Variants in EFCAB8 observed in about 807,000 individuals in gnomAD.
The protein encoded by EFCAB8 is EF-hand calcium-binding domain-containing protein 8.
A neutral mutation model predicts 116.3 loss-of-function variants in EFCAB8; 100 were observed. The ratio of observed to expected loss-of-function variants is 0.86; its 90% confidence interval spans 0.73 to 1.02. The LOEUF is 1.02. Among genes scored for constraint, EFCAB8 ranks in the 50% least tolerant of loss-of-function variants. The pLI, the probability that EFCAB8 is intolerant of heterozygous loss-of-function variation, is 0.00. For missense variants in EFCAB8, 1,320 were observed against 1,416.9 expected (o/e 0.93, Z 1.10); for synonymous variants, 558 against 567.9 (o/e 0.98, Z 0.25).
chr20:32,863,277 TTC>T (rs1390848268), intron 1 of EFCAB8, among the ~76,000 whole-genome samples: 1 of 152,136 alleles, frequency 6.6e-6, no homozygotes, highest in African/African-American at 2.4e-5. Context: ...AATAGAAACG[TTC>T]TCTTTATATT....
chr20:32,946,266 C>T lies in EFCAB8; in HGVS notation c.2959+2462C>T, dbSNP rs563264906. On this transcript the variant is annotated intron_variant, in intron 23 of 26. Coordinates refer to ENST00000400522, the MANE Select transcript of EFCAB8 (RefSeq NM_001143967.2). The stretch of plus-strand genomic sequence containing the variant: ...CTGAAAAGTCTGCATGTTGGATGTA[C>T]ATCTCAGTCTTTCCCTCCCAGGGAG... 3.7e-4 allele frequency among the ~76,000 whole-genome samples: 57 copies of T among 152,344 alleles called. 1 individual carries two copies. In the South Asian group the frequency reaches 0.012, roughly 31 times the overall value.
chr20:32,911,447 C>T lies in EFCAB8; in HGVS notation c.1558-33C>T, dbSNP rs528284623. 26 of 1,446,520 alleles carry T rather than the reference C, an allele frequency of 1.8e-5. No homozygotes were observed. The African/African-American group carries it at 3.4e-4, about 19-fold the overall frequency. The allele number at this position is 1,446,520 out of a possible 1,614,324, so 89.6% of individuals were successfully genotyped here. A position where few individuals can be genotyped will look rare whatever the true frequency, so the allele number is the denominator to read the frequency against. ...CCCTTGGGAGTGGAGGCCCCGGCCTCTCCAGCAGCCCCCAGCTGTGTGCTC... is the reference window on the plus strand; with the variant it reads ...CCCTTGGGAGTGGAGGCCCCGGCCTTTCCAGCAGCCCCCAGCTGTGTGCTC... On this transcript the variant is annotated intron_variant, in intron 15 of 26. Transcript: ENST00000400522.
intron 17 of EFCAB8, among the ~76,000 whole-genome samples, chr20:32,916,364 C>T (rs564682598): frequency 1.2e-4 from 18 of 152,218 alleles, no homozygotes; most frequent in African/African-American, 4.3e-4. Context: ...CTCAAGTGAT[C>T]CTCCTGCCTC....
intron 5 of EFCAB8, among the ~76,000 whole-genome samples, chr20:32,881,995 G>A (rs1259384382): frequency 6.6e-6 from 1 of 152,074 alleles, no homozygotes; most frequent in Non-Finnish European, 1.5e-5. Context: ...CTTACCTGAG[G>A]TCAGGAGTCC....
chr20:32,882,139 A>G (rs1239852385), intron 5 of EFCAB8, among the ~76,000 whole-genome samples: 1 of 152,146 alleles, frequency 6.6e-6, no homozygotes, highest in Non-Finnish European at 1.5e-5. Context: ...CAGAGGTTGC[A>G]GTGAGCCGAG....
intron 20 of EFCAB8, among the ~76,000 whole-genome samples, chr20:32,921,103 A>T (rs1398536685): frequency 6.6e-6 from 1 of 152,182 alleles, no homozygotes; most frequent in Non-Finnish European, 1.5e-5. Flanking sequence ...GGACTTGAGA[A>T]CAAGAGGGCA....
intron 3 of EFCAB8, among the ~76,000 whole-genome samples, chr20:32,872,671 G>GTAT (rs1399830841): frequency 6.6e-6 from 1 of 151,868 alleles, no homozygotes; most frequent in African/African-American, 2.4e-5. Flanking sequence ...GTGGGTGCCT[G>GTAT]TAGTTCCAGC....
rs538644842 is a variant in EFCAB8 at position 32,959,800 on chromosome 20, G to A, written c.3112G>A (p.Ala1038Thr). 25 of 1,515,662 alleles carry A rather than the reference G, an allele frequency of 1.6e-5. No individual in the cohort carries two copies. In the East Asian group the frequency reaches 5.9e-4, roughly 36 times the overall value. 93.9% of individuals were successfully genotyped at this position (1,515,662 alleles called of 1,614,324 possible). A position where few individuals can be genotyped will look rare whatever the true frequency, so the allele number is the denominator to read the frequency against. The change falls in exon 25 of 27, where the codon GCC becomes ACC. Residue 1038 changes from alanine to threonine, a missense_variant. Physicochemically the swap from Ala to Thr is moderately conservative, Grantham distance 58. Coordinates refer to ENST00000400522, the MANE Select transcript of EFCAB8 (RefSeq NM_001143967.2). ...ELQEQRDLAE[A>T]LIYQRREQAA... ...TAGGGAGCAGCGGGATCTGGCTGAG[G>A]CCCTGATATACCAGCGGCGAGAGCA...
chr20:32,903,934 C>A (rs1027629517), intron 11 of EFCAB8, among the ~76,000 whole-genome samples: 4 of 152,080 alleles, frequency 2.6e-5, no homozygotes, highest in Non-Finnish European at 5.9e-5. Context: ...GTGGAGGAGC[C>A]GGGTCAGGGG....
Position 32,889,406 on chromosome 20 carries a change from G to A in EFCAB8, c.673G>A (p.Asp225Asn), listed in dbSNP as rs1452861685. ...AGTTGCGTCTACCAGGCAAAAGATAGGTGAGTCCCTGGGGGCTTCCCAGCT... is the reference window on the plus strand; with the variant it reads ...AGTTGCGTCTACCAGGCAAAAGATAAGTGAGTCCCTGGGGGCTTCCCAGCT... ...VAVASTRQKI[D>N]FFDISDHKCV... Residue 225 changes from aspartate (D) to asparagine (N), a missense_variant and splice_region_variant, in exon 7 of 27, where the codon GAT becomes AAT. Transcript: ENST00000400522. The A allele has an allele frequency of 7.7e-6, 12 of 1,551,630 alleles. No homozygotes were observed. Among genetic ancestry groups the A allele is most frequent in the African/African-American group, 1.4e-5 (1 of 73,022 alleles).
chr20:32,905,594 T>G (rs1986635783), intron 11 of EFCAB8, among the ~76,000 whole-genome samples: 1 of 151,878 alleles, frequency 6.6e-6, no homozygotes, highest in Non-Finnish European at 1.5e-5. Flanking sequence ...AGCCCATCTC[T>G]TCTAAAAATA....
chr20:32,911,479 G>A lies in EFCAB8; in HGVS notation c.1558-1G>A. ...AGCCCCCAGCTGTGTGCTCCCTACAGGTGGTGAGTGGCTGCCTGCGCGGCA... is the reference window on the plus strand; with the variant it reads ...AGCCCCCAGCTGTGTGCTCCCTACAAGTGGTGAGTGGCTGCCTGCGCGGCA... On this transcript the variant is annotated splice_acceptor_variant, in intron 15 of 26. Coordinates refer to ENST00000400522, the MANE Select transcript of EFCAB8 (RefSeq NM_001143967.2). LOFTEE classifies it high-confidence loss of function. The A allele has an allele frequency of 6.7e-7, 1 of 1,487,158 alleles. No homozygotes were observed. Among genetic ancestry groups the A allele is most frequent in the Non-Finnish European group, 9.0e-7 (1 of 1,111,600 alleles). 92.1% of individuals were successfully genotyped at this position (1,487,158 alleles called of 1,614,324 possible).
At chr20:32,878,466 A>G (rs1166653104) in intron 4 of EFCAB8, among the ~76,000 whole-genome samples, 1 of 148,050 alleles carries the variant, frequency 6.8e-6, no homozygotes, top group Non-Finnish European at 1.5e-5. Flanking sequence ...GGCCTGGGAG[A>G]GATGGGGTGG....
intron 8 of EFCAB8, among the ~76,000 whole-genome samples, chr20:32,892,601 G>A (rs1035502693): frequency 3.3e-5 from 5 of 152,188 alleles, no homozygotes; most frequent in Non-Finnish European, 7.3e-5. Flanking sequence ...AGTCTATTGC[G>A]AGGGGTGACT....
At chr20:32,941,123 G>A (rs1027931356) in intron 22 of EFCAB8, among the ~76,000 whole-genome samples, 9 of 149,300 alleles carry the variant, frequency 6.0e-5, no homozygotes, top group African/African-American at 1.7e-4. Context: ...ATGATGGCGG[G>A]TGCCTGTAAT....
At chr20:32,948,315 G>T (rs73116378) in intron 23 of EFCAB8, among the ~76,000 whole-genome samples, 6,443 of 152,132 alleles carry the variant, frequency 0.042, 172 homozygotes, top group Non-Finnish European at 0.067. Context: ...TTATATCAAA[G>T]AAATTAAATT....
At chr20:32,897,355 G>A (rs1453833668) in intron 10 of EFCAB8, among the ~76,000 whole-genome samples, 1 of 152,114 alleles carries the variant, frequency 6.6e-6, no homozygotes, top group African/African-American at 2.4e-5. Context: ...TGCGCTTGGT[G>A]GGCTCCCAAT....
chr20:32,887,554 G>A (rs946981268), intron 6 of EFCAB8, among the ~76,000 whole-genome samples: 6 of 152,232 alleles, frequency 3.9e-5, no homozygotes, highest in Non-Finnish European at 8.8e-5. Context: ...TAGCCTGGGC[G>A]ACAGAGCGAG....
At position 32,920,130 on chromosome 20, in the gene EFCAB8, A is replaced by C. The variant is rs372230429; in HGVS notation, c.2327A>C (p.Lys776Thr). 2.3e-5 allele frequency: 36 copies of C among 1,551,640 alleles called. No homozygotes were observed. In the African/African-American group the frequency reaches 4.5e-4, roughly 19 times the overall value. ...TSRQSSKIHS[K>T]QSIYKEDETR... The stretch of plus-strand genomic sequence containing the variant: ...AGGCAGTCAAGCAAGATCCACAGCA[A>C]ACAGTCCATTTACAAAGAGGATGAA... The change falls in exon 20 of 27, where the codon AAA becomes ACA. Residue 776 changes from lysine (K) to threonine (T), a missense_variant. Coordinates refer to ENST00000400522, the MANE Select transcript of EFCAB8 (RefSeq NM_001143967.2).
Sources: gnomAD v4.1 joint callset for allele counts (sites outside exome capture counted in the v4.1 genomes callset) on GRCh38, gnomAD v4.1.1 for gene constraint, MANE v1.5 for transcripts, NCBI Gene and HGNC (gene_info 2026-07-23, HGNC 2026-07-21) for gene names.